The following DRC8 variants were observed in gnomAD, a reference collection of about 807,000 sequenced individuals.
The protein encoded by DRC8 is dynein regulatory complex subunit 8, also known as dynein regulatory complex protein 8.
At chr1:245,052,554 C>T in the DRC8 span, among the ~76,000 whole-genome samples, 327 of 152,346 alleles carry the variant, frequency 2.1e-3, 1 homozygote, top group African/African-American at 7.2e-3. Flanking sequence ...GCTTGTTACA[C>T]AGCAGTAGAA....
the DRC8 span, among the ~76,000 whole-genome samples, chr1:245,042,353 C>G: frequency 6.6e-6 from 1 of 152,188 alleles, no homozygotes; most frequent in Non-Finnish European, 1.5e-5. Flanking sequence ...CAAGTTAGAA[C>G]CAGGTGTTCA....
At chr1:244,979,816 A>T in the DRC8 span, among the ~76,000 whole-genome samples, 1 of 152,026 alleles carries the variant, frequency 6.6e-6, no homozygotes, top group African/African-American at 2.4e-5. Context: ...AAGAAATAAC[A>T]TACTTGAAAT....
chr1:244,999,126 G>T, the DRC8 span, among the ~76,000 whole-genome samples: 1 of 143,228 alleles, frequency 7.0e-6, no homozygotes, highest in African/African-American at 2.6e-5. Flanking sequence ...AGAAGGAGGA[G>T]AAAAAGGAGG....
the DRC8 span, among the ~76,000 whole-genome samples, chr1:245,099,702 A>C: frequency 6.6e-6 from 1 of 152,248 alleles, no homozygotes; most frequent in Non-Finnish European, 1.5e-5. Flanking sequence ...GGTGGTGAGA[A>C]GACGATGTGA....
At chr1:245,042,026 G>GGT in the DRC8 span, among the ~76,000 whole-genome samples, 1 of 152,056 alleles carries the variant, frequency 6.6e-6, no homozygotes, top group Non-Finnish European at 1.5e-5. Context: ...GACAATCATG[G>GGT]GTATGGTGCT....
At chr1:245,120,963 G>A in the DRC8 span, among the ~76,000 whole-genome samples, 1 of 152,264 alleles carries the variant, frequency 6.6e-6, no homozygotes, top group African/African-American at 2.4e-5. Context: ...CAGGAATGGT[G>A]TTAAGCCAGG....
At chr1:245,090,118 C>T in the DRC8 span, among the ~76,000 whole-genome samples, 12 of 152,174 alleles carry the variant, frequency 7.9e-5, no homozygotes, top group African/African-American at 2.6e-4. Context: ...TTGTCATGTG[C>T]GTGAGGTGGA....
the DRC8 span, among the ~76,000 whole-genome samples, chr1:245,075,295 T>C: frequency 4.6e-5 from 7 of 152,374 alleles, no homozygotes; most frequent in East Asian, 1.2e-3. Context: ...TCTGTGCCTG[T>C]ATTTCCTCAA....
the DRC8 span, among the ~76,000 whole-genome samples, chr1:244,974,332 T>C: frequency 2.6e-5 from 4 of 152,258 alleles, no homozygotes; most frequent in African/African-American, 9.6e-5. Flanking sequence ...AATTTGAACT[T>C]TTGGCAGCCA....
chr1:244,977,971 G>A, the DRC8 span, among the ~76,000 whole-genome samples: 4 of 152,102 alleles, frequency 2.6e-5, no homozygotes, highest in South Asian at 8.3e-4. Flanking sequence ...ATGATAGCAG[G>A]GTGATTAGAC....
the DRC8 span, among the ~76,000 whole-genome samples, chr1:245,021,587 C>G: frequency 2.0e-5 from 3 of 152,188 alleles, no homozygotes; most frequent in Middle Eastern, 6.8e-3. Flanking sequence ...AGGTGCCCAC[C>G]ACCACGCCCA....
the DRC8 span, among the ~76,000 whole-genome samples, chr1:245,088,253 AG>A: frequency 6.6e-6 from 1 of 152,018 alleles, no homozygotes; most frequent in African/African-American, 2.4e-5. This position sits in a 1 kb window ranked among gnomAD's most constrained non-coding sequence, Gnocchi z 4.6. Flanking sequence ...TTACAAGCAA[AG>A]GGGAAGATAA....
At chr1:244,970,845 G>C in the DRC8 span, 26 of 294,854 alleles carry the variant, frequency 8.8e-5, no homozygotes, top group East Asian at 8.5e-4. Context: ...GCGCCGGCAG[G>C]GGGTGCTGAT....
the DRC8 span, among the ~76,000 whole-genome samples, chr1:245,016,497 T>C: frequency 6.6e-6 from 1 of 152,170 alleles, no homozygotes; most frequent in Non-Finnish European, 1.5e-5. Context: ...CGCCCAGCAC[T>C]CCTCGTGTCC....
the DRC8 span, among the ~76,000 whole-genome samples, chr1:245,061,033 GA>G: frequency 0.35 from 52,869 of 152,044 alleles, 9,503 homozygotes; most frequent in Middle Eastern, 0.41. Context: ...GGCCTTTGCA[GA>G]AAAAGGTTGC....
chr1:245,038,425 G>A, the DRC8 span, among the ~76,000 whole-genome samples: 19 of 152,108 alleles, frequency 1.2e-4, no homozygotes, highest in African/African-American at 4.3e-4. Context: ...AGCTGAGACC[G>A]TGCCACTGCA....
At chr1:244,997,803 C>T in the DRC8 span, among the ~76,000 whole-genome samples, 1 of 152,244 alleles carries the variant, frequency 6.6e-6, no homozygotes, top group Non-Finnish European at 1.5e-5. Context: ...CCTCGGCCTC[C>T]CAAAGTGCTG....
chr1:245,108,678 C>T, the DRC8 span, among the ~76,000 whole-genome samples: 1 of 151,928 alleles, frequency 6.6e-6, no homozygotes, highest in African/African-American at 2.4e-5. Context: ...AGAGTCTATT[C>T]CTCCTCCTCT....
At chr1:245,055,270 A>G in the DRC8 span, among the ~76,000 whole-genome samples, 1 of 152,098 alleles carries the variant, frequency 6.6e-6, no homozygotes, top group Non-Finnish European at 1.5e-5. Flanking sequence ...CCCTTCACCT[A>G]AACTTTTTTA....
Sources: gnomAD v4.1 joint callset for allele counts (sites outside exome capture counted in the v4.1 genomes callset) on GRCh38, gnomAD v4.1.1 for gene constraint, Gnocchi (gnomAD v3.1) non-coding constraint, MANE v1.5 for transcripts, NCBI Gene and HGNC (gene_info 2026-07-23, HGNC 2026-07-21) for gene names.